GPHN: variants seen among roughly 807,000 people sequenced by gnomAD.
GPHN encodes gephyrin.
Under a neutral mutation model 95.5 loss-of-function variants are expected in GPHN, and 17 were observed. The observed-to-expected ratio is 0.18, with a 90% CI of 0.12 to 0.27. GPHN has a LOEUF of 0.27. Among genes scored for constraint, GPHN ranks in the 10% least tolerant of loss-of-function variants. The pLI, the probability that GPHN is intolerant of heterozygous loss-of-function variation, is 1.00. For synonymous variants in GPHN, 320 were observed against 322.5 expected (o/e 0.99, Z 0.08); for missense variants, 660 against 978.1 (o/e 0.67, Z 4.34).
chr14:66,564,181 T>C (rs2060370307), intron 1 of GPHN, among the ~76,000 whole-genome samples: 1 of 152,252 alleles, frequency 6.6e-6, no homozygotes, highest in Admixed American at 6.5e-5. Flanking sequence ...CTGGTGGTTC[T>C]TAGATTTTTG....
At chr14:66,684,062 A>C (rs1014875842) in intron 2 of GPHN, among the ~76,000 whole-genome samples, 1 of 152,164 alleles carries the variant, frequency 6.6e-6, no homozygotes, top group East Asian at 1.9e-4. Flanking sequence ...AATTGTATAC[A>C]TGTCATTTTA....
intron 9 of GPHN, among the ~76,000 whole-genome samples, chr14:67,021,551 G>T (rs1299034763): frequency 1.3e-5 from 2 of 151,998 alleles, no homozygotes; most frequent in East Asian, 1.9e-4. Flanking sequence ...ACGGGAGAGG[G>T]TATTTTGTTG....
intron 1 of GPHN, among the ~76,000 whole-genome samples, chr14:66,557,853 A>C (rs182222105): frequency 3.0e-4 from 46 of 152,270 alleles, no homozygotes; most frequent in African/African-American, 1.1e-3. Flanking sequence ...TTATTATATG[A>C]GTTATTAATA....
At chr14:66,716,937 C>G (rs562559319) in intron 2 of GPHN, among the ~76,000 whole-genome samples, 1 of 152,278 alleles carries the variant, frequency 6.6e-6, no homozygotes, top group South Asian at 2.1e-4. Flanking sequence ...TCTCACAGCT[C>G]TTAAGATTCT....
At chr14:67,297,837 T>A in the GPHN span, among the ~76,000 whole-genome samples, 1 of 152,246 alleles carries the variant, frequency 6.6e-6, no homozygotes, top group African/African-American at 2.4e-5. Flanking sequence ...GATATGAAGC[T>A]GAATAAGATA....
At chr14:67,127,277 A>G (rs1181524087) in intron 17 of GPHN, among the ~76,000 whole-genome samples, 1 of 151,848 alleles carries the variant, frequency 6.6e-6, no homozygotes, top group Non-Finnish European at 1.5e-5. Context: ...TGGCTTTGCA[A>G]TTTAGGCTGC....
At chr14:66,960,875 C>G (rs542797279) in intron 8 of GPHN, among the ~76,000 whole-genome samples, 1 of 152,134 alleles carries the variant, frequency 6.6e-6, no homozygotes. Flanking sequence ...TAAAGTACCT[C>G]ATTCCATAAC....
At chr14:67,557,308 A>C in the GPHN span, 35 of 1,613,670 alleles carry the variant, frequency 2.2e-5, no homozygotes, top group Non-Finnish European at 2.8e-5. Flanking sequence ...ATCCAATCTG[A>C]AGAATGTGGA....
intron 11 of GPHN, among the ~76,000 whole-genome samples, chr14:67,069,741 A>T (rs1305789675): frequency 6.6e-6 from 1 of 152,258 alleles, no homozygotes; most frequent in Non-Finnish European, 1.5e-5. Flanking sequence ...TGGATCCTGT[A>T]TGCATTTTGA....
At chr14:67,566,807 T>A in the GPHN span, among the ~76,000 whole-genome samples, 3 of 149,400 alleles carry the variant, frequency 2.0e-5, no homozygotes, top group Non-Finnish European at 4.4e-5. Context: ...TGTATGTGTG[T>A]GAGAGAGAGG....
At chr14:66,816,734 TA>T (rs749261368) in intron 3 of GPHN, among the ~76,000 whole-genome samples, 5 of 152,008 alleles carry the variant, frequency 3.3e-5, no homozygotes, top group Non-Finnish European at 7.4e-5. Context: ...ACATCACAAC[TA>T]AAAAGAACTA....
chr14:67,678,476 A>G, the GPHN span: 1 of 1,210,112 alleles, frequency 8.3e-7, no homozygotes, highest in East Asian at 2.3e-5. Flanking sequence ...GAAGTCTGCC[A>G]TCTGCCAGGG....
intron 9 of GPHN, among the ~76,000 whole-genome samples, chr14:67,011,151 A>G (rs538449055): frequency 6.3e-4 from 96 of 152,258 alleles, no homozygotes; most frequent in South Asian, 4.1e-4. Flanking sequence ...TTTGGTAACC[A>G]TTTAGATTTA....
At chr14:66,817,401 TA>T (rs2061017550) in intron 3 of GPHN, among the ~76,000 whole-genome samples, 1 of 152,154 alleles carries the variant, frequency 6.6e-6, no homozygotes, top group African/African-American at 2.4e-5. Context: ...AAGCTTTTTA[TA>T]AAAGATAAAC....
chr14:66,899,517 A>G (rs1466062167), intron 5 of GPHN, among the ~76,000 whole-genome samples: 1 of 151,922 alleles, frequency 6.6e-6, no homozygotes, highest in African/African-American at 2.4e-5. Context: ...GTTAATTGAT[A>G]TGATTGCATG....
intron 1 of GPHN, among the ~76,000 whole-genome samples, chr14:66,653,366 TTTAA>T (rs2065142687): frequency 6.6e-6 from 1 of 152,218 alleles, no homozygotes; most frequent in South Asian, 2.1e-4. Context: ...TAATTGATTT[TTTAA>T]TTAAACTTTT....
Position 67,051,080 on chromosome 14 carries a change from C to G in GPHN, c.1007-7569C>G, listed in dbSNP as rs1221197004. Among the ~76,000 whole-genome samples the G allele has an allele frequency of 4.2e-5, 6 of 141,358 alleles. No individual in the cohort carries two copies. In the East Asian group the frequency reaches 1.2e-3, roughly 28 times the overall value. The allele number at this position is 141,358 out of a possible 152,430, so 92.7% of individuals were successfully genotyped here. A position where few individuals can be genotyped will look rare whatever the true frequency, so the allele number is the denominator to read the frequency against. Reference sequence around the variant, plus strand: ...TCAGGTGGAGACTGCCTAAGACAACCAAGTTCCTAGGGGAGGGGGCGGCTG... The same window carrying G: ...TCAGGTGGAGACTGCCTAAGACAACGAAGTTCCTAGGGGAGGGGGCGGCTG... On this transcript the variant is annotated intron_variant, in intron 10 of 22. Transcript: ENST00000478722.
the GPHN span, chr14:67,674,610 G>A: frequency 1.2e-5 from 9 of 721,740 alleles, no homozygotes; most frequent in Admixed American, 3.7e-5. Flanking sequence ...CCGCCGCCCA[G>A]GACGAGGCTC....
intron 11 of GPHN, among the ~76,000 whole-genome samples, chr14:67,085,712 A>G (rs1005951728): frequency 6.6e-6 from 1 of 152,216 alleles, no homozygotes; most frequent in Non-Finnish European, 1.5e-5. Context: ...CATATACATA[A>G]CATAAAACTT....
Sources: gnomAD v4.1 joint callset for allele counts (sites outside exome capture counted in the v4.1 genomes callset) on GRCh38, gnomAD v4.1.1 for gene constraint, MANE v1.5 for transcripts, NCBI Gene and HGNC (gene_info 2026-07-23, HGNC 2026-07-21) for gene names.